The following CSMD1 variants were observed in gnomAD, a reference collection of about 807,000 sequenced individuals.
The protein encoded by CSMD1 is CUB and sushi domain-containing protein 1.
In CSMD1, 213 loss-of-function variants were observed where a neutral mutation model predicts 417.5. The observed-to-expected ratio is 0.51, with a 90% confidence interval of 0.46 to 0.57. CSMD1 has a LOEUF of 0.57. Among genes scored for constraint, CSMD1 ranks in the 20% least tolerant of loss-of-function variants. The probability of loss-of-function intolerance (pLI) is 0.00; values close to 1 mark genes in which losing one functional copy is unlikely to be tolerated. For synonymous variants in CSMD1, 2,862 were observed against 1,736.8 expected (o/e 1.65, Z -16.11); for missense variants, 6,923 against 4,529.7 (o/e 1.53, Z -15.17).
At position 2,942,668 on chromosome 8, in the gene CSMD1, T is replaced by C; in HGVS notation, c.10403-64A>G. On this transcript the variant is annotated intron_variant, in intron 68 of 69. Transcript: ENST00000635120. Reference sequence around the variant, plus strand: ...ACTCTGCTTAAACAAATACATATGATAAATTTTGTAAATGGATACGAACTC... The same window carrying C: ...ACTCTGCTTAAACAAATACATATGACAAATTTTGTAAATGGATACGAACTC... 4 of 1,259,962 alleles carry C rather than the reference T, an allele frequency of 3.2e-6. No homozygotes were observed. In the Middle Eastern group the frequency reaches 6.2e-4, roughly 195 times the overall value. The allele number at this position is 1,259,962 out of a possible 1,614,324, so 78.0% of individuals were successfully genotyped here.
At chr8:3,663,260 G>C (rs886606452) in intron 7 of CSMD1, among the ~76,000 whole-genome samples, 4 of 152,184 alleles carry the variant, frequency 2.6e-5, no homozygotes, top group Admixed American at 6.5e-5. Flanking sequence ...GAAAGTGAGA[G>C]AGTGCTGATA....
chr8:4,833,904 T>C (rs780797329), intron 1 of CSMD1, among the ~76,000 whole-genome samples: 4 of 152,154 alleles, frequency 2.6e-5, no homozygotes, highest in Non-Finnish European at 5.9e-5. Context: ...GTCACTTGGA[T>C]TGGTGTTCAC....
chr8:3,597,824 C>A (rs540417264), intron 8 of CSMD1, among the ~76,000 whole-genome samples: 23 of 151,724 alleles, frequency 1.5e-4, no homozygotes, highest in African/African-American at 5.3e-4. Context: ...CATCACACAC[C>A]GGGGCCTGTC....
chr8:4,128,673 A>T (rs1241148122), intron 3 of CSMD1, among the ~76,000 whole-genome samples: 1 of 152,006 alleles, frequency 6.6e-6, no homozygotes. Context: ...TCTTTCTTTC[A>T]TCCCATACCC....
intron 5 of CSMD1, among the ~76,000 whole-genome samples, chr8:3,834,272 G>A (rs1802542569): frequency 6.6e-6 from 1 of 151,618 alleles, no homozygotes; most frequent in South Asian, 2.1e-4. Context: ...CTGTATCTAG[G>A]GCTCTTCCAA....
chr8:4,227,771 C>T (rs973162855), intron 3 of CSMD1, among the ~76,000 whole-genome samples: 3 of 151,026 alleles, frequency 2.0e-5, no homozygotes, highest in African/African-American at 7.3e-5. Flanking sequence ...GCATTCAATC[C>T]CAAACCAGGA....
intron 42 of CSMD1, among the ~76,000 whole-genome samples, chr8:3,112,138 G>A (rs1426188799): frequency 2.6e-5 from 4 of 151,676 alleles, no homozygotes; most frequent in Admixed American, 2.6e-4. Flanking sequence ...CACCCCAGCT[G>A]CTACCTCCTT....
intron 23 of CSMD1, among the ~76,000 whole-genome samples, chr8:3,324,061 TAG>T (rs1806336235): frequency 8.0e-6 from 1 of 125,592 alleles, no homozygotes; most frequent in African/African-American, 3.0e-5. Flanking sequence ...ATTGTTAAAA[TAG>T]ACACACACCC....
chr8:4,426,626 A>ATAATG (rs1168551788), intron 2 of CSMD1, among the ~76,000 whole-genome samples: 1 of 147,056 alleles, frequency 6.8e-6, no homozygotes, highest in Non-Finnish European at 1.5e-5. Context: ...TGTTTACTAT[A>ATAATG]TAATATAGTA....
intron 37 of CSMD1, among the ~76,000 whole-genome samples, chr8:3,176,354 A>T (rs1333819723): frequency 6.6e-6 from 1 of 151,862 alleles, no homozygotes; most frequent in African/African-American, 2.4e-5. Flanking sequence ...ATGTTTTCAC[A>T]GTTATGATGA....
At chr8:4,945,825 G>C (rs1017357473) in intron 1 of CSMD1, among the ~76,000 whole-genome samples, 3 of 152,134 alleles carry the variant, frequency 2.0e-5, no homozygotes, top group African/African-American at 7.2e-5. Flanking sequence ...CAGTTTTGGA[G>C]AGTCCAAGGT....
chr8:3,938,683 G>T (rs779757730), intron 5 of CSMD1, among the ~76,000 whole-genome samples: 42 of 152,130 alleles, frequency 2.8e-4, no homozygotes, highest in Non-Finnish European at 8.8e-5. Flanking sequence ...TACTTTGAAT[G>T]GCAGGAGTTG....
chr8:4,310,308 T>G lies in CSMD1; in HGVS notation c.415+109645A>C, dbSNP rs112477937. Among the ~76,000 whole-genome samples, 3 of 152,122 alleles carry G rather than the reference T, an allele frequency of 2.0e-5. No individual in the cohort carries two copies. In the East Asian group the frequency reaches 5.8e-4, roughly 29 times the overall value. ...TAGAGCTGAAATTCTTATGGGTGGG[T>G]GTGGAAGGGAAAAGGCCTCCACACT... is the stretch of plus-strand genomic sequence containing the variant. On this transcript the variant is annotated intron_variant, in intron 3 of 69. Coordinates refer to ENST00000635120, the MANE Select transcript of CSMD1 (RefSeq NM_033225.6).
chr8:3,337,582 T>G (rs1434066923), intron 23 of CSMD1, among the ~76,000 whole-genome samples: 1 of 152,190 alleles, frequency 6.6e-6, no homozygotes, highest in Non-Finnish European at 1.5e-5. Flanking sequence ...CTATGTCTAA[T>G]GCTGATGTAC....
chr8:3,260,240 A>G (rs1199072905), intron 26 of CSMD1, among the ~76,000 whole-genome samples: 1 of 151,970 alleles, frequency 6.6e-6, no homozygotes, highest in East Asian at 1.9e-4. Flanking sequence ...CTAGGTTATC[A>G]TTTTCTCAAA....
chr8:3,761,712 G>C (rs1054862899), intron 5 of CSMD1, among the ~76,000 whole-genome samples: 1 of 151,940 alleles, frequency 6.6e-6, no homozygotes, highest in East Asian at 1.9e-4. Flanking sequence ...CACCATGTTG[G>C]CCAGGCTGGT....
chr8:4,035,323 A>C (rs1797560271), intron 3 of CSMD1, among the ~76,000 whole-genome samples: 2 of 152,334 alleles, frequency 1.3e-5, no homozygotes, highest in African/African-American at 4.8e-5. Context: ...AATAGTGAAC[A>C]ACTGTCACTG....
intron 3 of CSMD1, among the ~76,000 whole-genome samples, chr8:4,291,856 G>A (rs1310291440): frequency 6.6e-6 from 1 of 152,192 alleles, no homozygotes; most frequent in Non-Finnish European, 1.5e-5. Context: ...ATTAACTCAT[G>A]TGAAATTAGA....
At chr8:3,202,556 C>T (rs17319387) in intron 31 of CSMD1, among the ~76,000 whole-genome samples, 31,955 of 152,046 alleles carry the variant, frequency 0.21, 3,458 homozygotes, top group Admixed American at 0.26. Context: ...GCAGGAAAAC[C>T]TGTGATTTGG....
Sources: allele counts gnomAD v4.1 joint callset (sites outside exome capture counted in the v4.1 genomes callset), GRCh38; gene constraint gnomAD v4.1.1; transcripts MANE v1.5; gene names NCBI Gene and HGNC (gene_info 2026-07-23, HGNC 2026-07-21).